VEGFD: variants seen among roughly 807,000 people sequenced by gnomAD.
VEGFD encodes c-fos induced growth factor (vascular endothelial growth factor D).
Under a neutral mutation model 28.0 loss-of-function variants are expected in VEGFD, and 26 were observed. The observed-to-expected ratio is 0.93, with a 90% CI of 0.68 to 1.29. The LOEUF (loss-of-function observed/expected upper bound fraction) is 1.29, where lower values mean the gene tolerates loss of function less well. Ranked by LOEUF, VEGFD falls within the 50% of genes most tolerant of loss-of-function variation. The pLI is 0.00. For missense variants in VEGFD, 294 were observed against 273.4 expected, an observed-to-expected ratio of 1.08 and a Z score of -0.53; for synonymous variants, 93 against 95.5, an observed-to-expected ratio of 0.97 and a Z score of 0.15.
chrX:15,372,098 G>A (rs941021618), intron 1 of VEGFD, among the ~76,000 whole-genome samples: 3 of 111,717 alleles, frequency 2.7e-5, no homozygotes, highest in African/African-American at 9.7e-5. Context: ...ACAATTTGGG[G>A]ACAAAAAGGC....
intron 1 of VEGFD, among the ~76,000 whole-genome samples, chrX:15,379,521 G>A (rs1195819938): frequency 4.5e-5 from 5 of 111,658 alleles, no homozygotes; most frequent in Non-Finnish European, 9.4e-5. Flanking sequence ...AGAACTAGTG[G>A]CAAGGAAGAC....
intron 1 of VEGFD, among the ~76,000 whole-genome samples, chrX:15,366,500 T>C (rs1247158246): frequency 8.9e-6 from 1 of 111,934 alleles, no homozygotes; most frequent in East Asian, 2.8e-4. Context: ...GGTTAGTAGT[T>C]CCATTTTCAT....
intron 2 of VEGFD, 36 bp from the exon 3 acceptor site, chrX:15,358,229 G>A: frequency 8.8e-7 from 1 of 1,139,512 alleles, no homozygotes; most frequent in Non-Finnish European, 1.2e-6. Flanking sequence ...GGGCTAGCAG[G>A]TGGAATGGTC....
At chrX:15,350,623 T>G (rs1481315556) in intron 5 of VEGFD, among the ~76,000 whole-genome samples, 1 of 112,494 alleles carries the variant, frequency 8.9e-6, no homozygotes, top group African/African-American at 3.2e-5. Flanking sequence ...ACCTCCTCCG[T>G]ACAAAACTGT....
In VEGFD at chrX:15,363,863, A is replaced by G. The variant is rs180748188; in HGVS notation, c.91-544T>C. 2.6e-3 allele frequency among the ~76,000 whole-genome samples: 295 copies of G among 112,141 alleles called. 1 individual carries two copies. The highest frequency in any genetic ancestry group is 8.5e-3 in the African/African-American group (262 of 30,873). On this transcript the variant is annotated intron_variant, in intron 1 of 6. Coordinates refer to ENST00000297904, the MANE Select transcript of VEGFD (RefSeq NM_004469.5). ...GCCTAGAGCCATCAGAAGCTGGATG[A>G]AGCAAGAAAAGATTCTCTCCAAGAG...
At chrX:15,354,898 A>T (rs1180254344) in intron 4 of VEGFD, among the ~76,000 whole-genome samples, 1 of 111,845 alleles carries the variant, frequency 8.9e-6, no homozygotes, top group Non-Finnish European at 1.9e-5. Context: ...CATATTAAGA[A>T]CAAACGTGTC....
intron 1 of VEGFD, among the ~76,000 whole-genome samples, chrX:15,364,226 T>C (rs1223778852): frequency 8.9e-6 from 1 of 111,903 alleles, no homozygotes; most frequent in Non-Finnish European, 1.9e-5. Flanking sequence ...AAAAACATGA[T>C]TTTTTTCTGA....
intron 1 of VEGFD, among the ~76,000 whole-genome samples, chrX:15,375,695 G>T: frequency 8.9e-6 from 1 of 112,066 alleles, no homozygotes; most frequent in Admixed American, 9.5e-5. Flanking sequence ...TGCAGGAAAA[G>T]AGTGTGTGTG....
At position 15,363,185 on chromosome X, in the gene VEGFD, G is replaced by T; in HGVS notation, c.225C>A (p.Thr75=). 3.3e-6 allele frequency: 4 copies of T among 1,211,462 alleles called. No homozygotes were observed. The highest frequency in any genetic ancestry group is 4.5e-6 in the Non-Finnish European group (4 of 895,314). ...GGGATGCTGAGCGAGAGTCCATACT[G>T]GTAAAACTTTTGAGCCTCAGCCTGC... The part of the protein sequence containing the change: ...WRCRLRLKSF[T]SMDSRSASHR... The change falls in exon 2 of 7, where the codon ACC becomes ACA. Residue 75 remains threonine (T), a synonymous_variant. Transcript: ENST00000297904.
chrX:15,363,298 C>G lies in VEGFD; in HGVS notation c.112G>C (p.Glu38Gln). The G allele has an allele frequency of 8.3e-7, 1 of 1,209,546 alleles. No individual in the cohort carries two copies. The highest frequency in any genetic ancestry group is 1.1e-6 in the Non-Finnish European group (1 of 894,082). The change falls in exon 2 of 7, where the codon GAA becomes CAA. Residue 38 changes from glutamate to glutamine, a missense_variant. Glu to Gln is a conservative substitution (Grantham distance 29). Transcript: ENST00000297904. ...PVKRSSQSTLERSEQQIRAAS... is the reference protein window; with the variant it reads ...PVKRSSQSTLQRSEQQIRAAS... ...GCCCTGATCTGCTGTTCAGATCGTT[C>G]CAATGTGGACTGAGATGATCGCTTA...
intron 3 of VEGFD, 77 bp downstream of exon 3, chrX:15,357,926 G>T: frequency 1.1e-6 from 1 of 894,045 alleles, no homozygotes; most frequent in Non-Finnish European, 1.6e-6. Context: ...ACAGTGTTTA[G>T]CAACAAGGTT....
chrX:15,351,818 T>A (rs753974047), intron 5 of VEGFD, among the ~76,000 whole-genome samples: 6 of 112,833 alleles, frequency 5.3e-5, no homozygotes, highest in African/African-American at 1.9e-4. Context: ...ATTGGATAGA[T>A]TGGATTAAAT....
intron 6 of VEGFD, 131 bp downstream of exon 6, chrX:15,347,033 C>A (rs1010318668): frequency 6.8e-5 from 37 of 546,179 alleles, no homozygotes; most frequent in African/African-American, 6.5e-4. Context: ...AGCTGCTAAA[C>A]CTCTGTTCTA....
chrX:15,365,975 CATTTCTGTAT>C (rs1237747897), intron 1 of VEGFD, among the ~76,000 whole-genome samples: 3 of 109,780 alleles, frequency 2.7e-5, no homozygotes, highest in Non-Finnish European at 5.7e-5. Context: ...CTTTCTGTTA[CATTTCTGTAT>C]ATTCTTCCTA....
At chrX:15,347,564 AG>A (rs1339078528) in intron 5 of VEGFD, 17 of 310,253 alleles carry the variant, frequency 5.5e-5, no homozygotes, top group Middle Eastern at 1.7e-3. Flanking sequence ...GTGTTTTCTT[AG>A]GTTTGTGATT....
intron 5 of VEGFD, among the ~76,000 whole-genome samples, chrX:15,348,426 T>C (rs974989349): frequency 1.8e-5 from 2 of 112,556 alleles, no homozygotes; most frequent in African/African-American, 6.5e-5. Context: ...TTCCACTGCT[T>C]TGAATGCATT....
intron 4 of VEGFD, among the ~76,000 whole-genome samples, chrX:15,354,217 C>G (rs1313513937): frequency 9.1e-6 from 1 of 110,349 alleles, no homozygotes. Flanking sequence ...GTGATCTGCC[C>G]GCCTCAGCCT....
intron 1 of VEGFD, among the ~76,000 whole-genome samples, chrX:15,380,227 G>A (rs949416422): frequency 4.4e-5 from 5 of 112,512 alleles, no homozygotes; most frequent in Non-Finnish European, 9.4e-5. Flanking sequence ...CTTTGGAACT[G>A]GAAATCGGGC....
chrX:15,350,911 G>T (rs764624583), intron 5 of VEGFD, among the ~76,000 whole-genome samples: 7 of 101,171 alleles, frequency 6.9e-5, no homozygotes, highest in Admixed American at 4.5e-4. Flanking sequence ...ATCCAGGCCC[G>T]AGTGCGGTGG....
Sources: gnomAD v4.1 joint callset for allele counts (sites outside exome capture counted in the v4.1 genomes callset) on GRCh38, gnomAD v4.1.1 for gene constraint, MANE v1.5 for transcripts, NCBI Gene and HGNC (gene_info 2026-07-23, HGNC 2026-07-21) for gene names.